VXN: variants seen among roughly 807,000 people sequenced by gnomAD.
The protein encoded by VXN is uncharacterized protein C8orf46.
In VXN, 7 loss-of-function variants were observed where a neutral mutation model predicts 23.1. The observed-to-expected ratio is 0.30, with a 90% CI of 0.17 to 0.57. VXN has a LOEUF of 0.57. VXN is among the 20% of genes least tolerant of loss of function. VXN has a pLI of 0.91. For synonymous variants in VXN, 120 were observed against 105.8 expected, an observed-to-expected ratio of 1.13 and a Z score of -0.83; for missense variants, 238 against 272.6, an observed-to-expected ratio of 0.87 and a Z score of 0.89.
At chr8:66,495,991 T>C (rs1807621544) in intron 1 of VXN, among the ~76,000 whole-genome samples, 1 of 152,204 alleles carries the variant, frequency 6.6e-6, no homozygotes, top group Non-Finnish European at 1.5e-5. Context: ...CTTTTGTTTG[T>C]TTGTTTTTCT....
chr8:66,515,186 C>A (rs1377054359), intron 5 of VXN, among the ~76,000 whole-genome samples: 1 of 152,184 alleles, frequency 6.6e-6, no homozygotes, highest in African/African-American at 2.4e-5. Context: ...CAGAGGCCAA[C>A]CTTTCAGTCC....
At chr8:66,510,192 G>A (rs1377670969) in intron 4 of VXN, 35 bp downstream of exon 4, 1 of 1,549,018 alleles carries the variant, frequency 6.5e-7, no homozygotes, top group Non-Finnish European at 8.8e-7. Context: ...TGTATCTGTT[G>A]TGCATTAAAC....
rs1468363128 is a variant in VXN, at chr8:66,517,545, T to C, written c.*1469T>C. 6.6e-6 allele frequency: 1 copy of C among 152,222 alleles called. No individual in the cohort carries two copies. The highest frequency in any genetic ancestry group is 6.5e-5 in the Admixed American group (1 of 15,286). 9.4% of individuals were successfully genotyped at this position (152,222 alleles called of 1,614,324 possible). On this transcript the variant is annotated 3_prime_UTR_variant, in exon 6 of 6. Transcript: ENST00000305454. ...CATCCCAAACACTAAACATGATTGA[T>C]GGGTAGAGGCTGCCCGAAGTACTGT... is the stretch of plus-strand genomic sequence containing the variant.
intron 2 of VXN, among the ~76,000 whole-genome samples, chr8:66,501,763 G>C (rs548214886): frequency 2.0e-4 from 30 of 152,236 alleles, no homozygotes; most frequent in Admixed American, 7.2e-4. Flanking sequence ...AGGTCTCTTA[G>C]TCCACCTCCT....
chr8:66,509,991 A>T (rs1807803298), intron 3 of VXN, 105 bp from the exon 4 acceptor site: 3 of 1,106,620 alleles, frequency 2.7e-6, no homozygotes, highest in South Asian at 2.5e-5. Flanking sequence ...GCCTTTAGAA[A>T]TTCCCTGGCG....
chr8:66,515,468 G>T (rs1247741978), intron 5 of VXN, among the ~76,000 whole-genome samples: 1 of 152,216 alleles, frequency 6.6e-6, no homozygotes, highest in African/African-American at 2.4e-5. Context: ...GCTGGTAAAG[G>T]TTAAGTCACT....
chr8:66,514,579 G>A (rs376956778), intron 5 of VXN, among the ~76,000 whole-genome samples: 8 of 152,044 alleles, frequency 5.3e-5, no homozygotes, highest in South Asian at 2.1e-4. Flanking sequence ...ATAGGCGCCC[G>A]CCACCACGCC....
intron 5 of VXN, among the ~76,000 whole-genome samples, chr8:66,514,660 C>T (rs1807865077): frequency 6.6e-6 from 1 of 152,182 alleles, no homozygotes; most frequent in South Asian, 2.1e-4. Context: ...AAACTCCTGA[C>T]CTCAAGTGAT....
At chr8:66,510,696 C>T (rs765829880) in intron 4 of VXN, among the ~76,000 whole-genome samples, 6 of 152,180 alleles carry the variant, frequency 3.9e-5, no homozygotes, top group Admixed American at 6.5e-5. Context: ...TGACTGGCGA[C>T]GGCTCTCTTT....
chr8:66,498,610 T>TG (rs1807653850), intron 2 of VXN, among the ~76,000 whole-genome samples: 1 of 152,126 alleles, frequency 6.6e-6, no homozygotes, highest in South Asian at 2.1e-4. Flanking sequence ...ATCTTTTGTG[T>TG]GTGTGTGTGT....
intron 3 of VXN, among the ~76,000 whole-genome samples, chr8:66,507,199 G>A (rs1005583003): frequency 6.6e-5 from 10 of 152,174 alleles, no homozygotes; most frequent in African/African-American, 2.2e-4. Context: ...TCAAAGTGGA[G>A]TCCCAGGAGC....
At chr8:66,500,482 TA>T (rs1232488600) in intron 2 of VXN, among the ~76,000 whole-genome samples, 3 of 152,224 alleles carry the variant, frequency 2.0e-5, no homozygotes, top group Non-Finnish European at 4.4e-5. Context: ...TTTTTTCCCC[TA>T]CGGTTTCTTA....
intron 3 of VXN, 101 bp from the exon 4 acceptor site, chr8:66,509,995 C>T: frequency 8.8e-7 from 1 of 1,139,446 alleles, no homozygotes; most frequent in Admixed American, 1.8e-5. Context: ...TTAGAAATTC[C>T]CTGGCGTGGT....
chr8:66,505,503 C>T lies in VXN; in HGVS notation c.255C>T (p.His85=). Residue 85 remains histidine, a synonymous_variant, in exon 3 of 6, where the codon CAC becomes CAT. Transcript: ENST00000305454. ...RLQTARPPTA[H]PAKASARPVG... ...AGACCGCGCGGCCGCCCACAGCCCA[C>T]CCGGCCAAAGCCTCTGCCAGACCCG... 6.5e-7 allele frequency: 1 copy of T among 1,547,502 alleles called. No homozygotes were observed. The highest frequency in any genetic ancestry group is 8.7e-7 in the Non-Finnish European group (1 of 1,149,832).
Position 66,496,521 on chromosome 8 carries a change from T to C in VXN, c.126+29T>C, listed in dbSNP as rs758858896. 5.0e-6 allele frequency: 8 copies of C among 1,606,370 alleles called. No homozygotes were observed. In the East Asian group the frequency reaches 1.6e-4, roughly 31 times the overall value. On this transcript the variant is annotated intron_variant, in intron 2 of 5. Coordinates refer to ENST00000305454, the MANE Select transcript of VXN (RefSeq NM_152765.4). ...AGGAAACTTTAGTTTTGATGTTCTT[T>C]GGTTGACTTTCATTTAAAAAGCAAT...
Position 66,515,962 on chromosome 8 carries a change from A to G in VXN, c.510A>G (p.Pro170=), listed in dbSNP as rs767885860. 6 of 1,613,914 alleles carry G rather than the reference A, an allele frequency of 3.7e-6. No individual in the cohort carries two copies. Among genetic ancestry groups the G allele is most frequent in the Non-Finnish European group, 4.2e-6 (5 of 1,179,912 alleles). ...ALPQGAEASL[P]LTGSASCGVP... is the part of the protein sequence containing the mutation. ...CCCAAGGAGCAGAAGCCTCTCTACC[A>G]CTGACAGGCAGTGCTTCCTGCGGCG... The change falls in exon 6 of 6, where the codon CCA becomes CCG. Residue 170 remains proline (P), a synonymous_variant. Coordinates refer to ENST00000305454, the MANE Select transcript of VXN (RefSeq NM_152765.4).
intron 2 of VXN, among the ~76,000 whole-genome samples, chr8:66,503,950 G>C (rs1254029080): frequency 6.6e-6 from 1 of 152,226 alleles, no homozygotes; most frequent in Non-Finnish European, 1.5e-5. Flanking sequence ...AAGGCTCAGA[G>C]CTGGGCTCTT....
intron 1 of VXN, 113 bp from the exon 2 acceptor site, chr8:66,496,315 TCCCGTCCCC>T: frequency 1.2e-6 from 1 of 847,848 alleles, no homozygotes; most frequent in South Asian, 1.5e-5. Context: ...TGTCTCTTTT[TCCCGTCCCC>T]TCCTCTATGC....
At position 66,513,627 on chromosome 8, in the gene VXN, C is replaced by G. The variant is rs1269087416; in HGVS notation, c.430C>G (p.Leu144Val). 1 of 1,614,026 alleles carries G rather than the reference C, an allele frequency of 6.2e-7. No homozygotes were observed. The highest frequency in any genetic ancestry group is 1.7e-5 in the Admixed American group (1 of 60,028). Reference protein sequence around the residue: ...TAMGTEKGAVLMRGSRHLKKM... With the variant: ...TAMGTEKGAVVMRGSRHLKKM... Reference sequence around the variant, plus strand: ...CATGGGCACAGAGAAGGGAGCTGTTCTGATGAGAGGGTAAGTGCTGCGTCT... The same window carrying G: ...CATGGGCACAGAGAAGGGAGCTGTTGTGATGAGAGGGTAAGTGCTGCGTCT... Residue 144 changes from leucine to valine, a missense_variant, in exon 5 of 6, where the codon CTG becomes GTG. Around this residue, in one of 2 missense-constraint regions of VXN, gnomAD observed 223 missense variants for 236.9 expected, o/e 0.94. Transcript: ENST00000305454.
Sources: allele counts gnomAD v4.1 joint callset (sites outside exome capture counted in the v4.1 genomes callset), GRCh38; gene constraint gnomAD v4.1.1; regional missense constraint gnomAD v4.1.1; transcripts MANE v1.5; gene names NCBI Gene and HGNC (gene_info 2026-07-23, HGNC 2026-07-21).